KCNIP4: variants seen among roughly 807,000 people sequenced by gnomAD.
KCNIP4 encodes the protein Kv channel-interacting protein 4.
In KCNIP4, 12 loss-of-function variants were observed where a neutral mutation model predicts 34.0. The observed-to-expected ratio is 0.35, with a 90% confidence interval of 0.23 to 0.57. The LOEUF is 0.57. Ranked by LOEUF, KCNIP4 falls within the 20% of genes least tolerant of loss-of-function variation. The pLI is 0.83. For synonymous variants in KCNIP4, 124 were observed against 102.2 expected (o/e 1.21, Z -1.29); for missense variants, 238 against 311.7 (o/e 0.76, Z 1.78).
rs547254218 is a variant in KCNIP4, at chr4:21,830,517, C to T, written c.61+118054G>A. On this transcript the variant is annotated intron_variant, in intron 1 of 8. Transcript: ENST00000382152. ...ACAATGAAACCCCGTTTCTACTAAA[C>T]ACAATACAAAAATTCGCCGGGTGCC... 2.0e-5 allele frequency among the ~76,000 whole-genome samples: 3 copies of T among 151,814 alleles called. No homozygotes were observed. The South Asian group carries it at 6.2e-4, about 32-fold the overall frequency.
At chr4:21,688,138 A>G (rs530257189) in intron 1 of KCNIP4, among the ~76,000 whole-genome samples, 53 of 152,334 alleles carry the variant, frequency 3.5e-4, no homozygotes, top group Non-Finnish European at 5.3e-4. Flanking sequence ...TTTTAAAGCA[A>G]CTACTGTGCA....
At position 21,301,337 on chromosome 4, in the gene KCNIP4, T is replaced by C. The variant is rs7693066; in HGVS notation, c.62-418628A>G. On this transcript the variant is annotated intron_variant, in intron 1 of 8. Transcript: ENST00000382152. ...TTCAGAACAATATGCATATTTCAAATATAATAATACAAAAAAACTACATTG... is the reference window on the plus strand; with the variant it reads ...TTCAGAACAATATGCATATTTCAAACATAATAATACAAAAAAACTACATTG... 3.0e-3 allele frequency among the ~76,000 whole-genome samples: 456 copies of C among 152,262 alleles called. 2 individuals carry two copies. The highest frequency in any genetic ancestry group is 0.01 in the African/African-American group (426 of 41,572).
At chr4:21,917,934 C>T (rs1728731222) in intron 1 of KCNIP4, among the ~76,000 whole-genome samples, 2 of 152,140 alleles carry the variant, frequency 1.3e-5, no homozygotes, top group Non-Finnish European at 2.9e-5. Context: ...ACAGTAGACA[C>T]TCCACCTTGC....
chr4:20,864,165 T>C (rs539368305), intron 2 of KCNIP4, among the ~76,000 whole-genome samples: 7 of 71,746 alleles, frequency 9.8e-5, no homozygotes, highest in East Asian at 5.5e-4. Flanking sequence ...CATACACATG[T>C]ATGTATACAC....
intron 1 of KCNIP4, among the ~76,000 whole-genome samples, chr4:21,421,511 A>T (rs2109627687): frequency 6.6e-6 from 1 of 152,332 alleles, no homozygotes; most frequent in Non-Finnish European, 1.5e-5. Flanking sequence ...TAAGTGAATT[A>T]AGCCAAGCAC....
At chr4:21,242,163 C>CAAAAAAAAA (rs11436478) in intron 1 of KCNIP4, among the ~76,000 whole-genome samples, 26 of 55,724 alleles carry the variant, frequency 4.7e-4, no homozygotes, top group East Asian at 2.6e-3. Context: ...AATTCTGTCT[C>CAAAAAAAAA]AAAAAAAAAA....
intron 1 of KCNIP4, among the ~76,000 whole-genome samples, chr4:21,250,996 T>C (rs1577964603): frequency 6.6e-6 from 1 of 151,948 alleles, no homozygotes; most frequent in East Asian, 1.9e-4. Flanking sequence ...ATATGTCATT[T>C]ATCTTGACAT....
chr4:21,107,138 A>G (rs1214809844), intron 1 of KCNIP4, among the ~76,000 whole-genome samples: 4 of 147,004 alleles, frequency 2.7e-5, no homozygotes, highest in Non-Finnish European at 5.9e-5. Context: ...GCTGAGTTCA[A>G]TTCCTGGGTA....
Position 21,828,928 on chromosome 4 carries a change from T to C in KCNIP4, c.61+119643A>G, listed in dbSNP as rs538166315. Among the ~76,000 whole-genome samples, 78 of 152,024 alleles carry C rather than the reference T, an allele frequency of 5.1e-4. 2 individuals carry two copies. Among genetic ancestry groups the C allele is most frequent in the African/African-American group, 2.6e-4 (11 of 41,530 alleles). ...GCAGTAAGAAATGGTGATAAATACA[T>C]GGCTTAATATTTTGGTAACTCTGCA... On this transcript the variant is annotated intron_variant, in intron 1 of 8. Transcript: ENST00000382152.
chr4:20,917,301 T>G (rs555328237), intron 1 of KCNIP4, among the ~76,000 whole-genome samples: 1 of 151,960 alleles, frequency 6.6e-6, no homozygotes, highest in Non-Finnish European at 1.5e-5. Flanking sequence ...GTGCTGGGAT[T>G]ACAGGCATGA....
At chr4:21,318,318 A>G (rs1024017054) in intron 1 of KCNIP4, among the ~76,000 whole-genome samples, 1 of 152,164 alleles carries the variant, frequency 6.6e-6, no homozygotes, top group African/African-American at 2.4e-5. Context: ...ATTATGTACA[A>G]TCCTTGCTTA....
At chr4:21,326,242 C>A (rs777146720) in intron 1 of KCNIP4, among the ~76,000 whole-genome samples, 1 of 151,528 alleles carries the variant, frequency 6.6e-6, no homozygotes, top group African/African-American at 2.4e-5. Flanking sequence ...CATTTTAGCT[C>A]TAATAACAGT....
At chr4:21,627,820 G>A (rs923285798) in intron 1 of KCNIP4, among the ~76,000 whole-genome samples, 7 of 152,048 alleles carry the variant, frequency 4.6e-5, no homozygotes, top group African/African-American at 1.4e-4. Flanking sequence ...AATAAGTGTC[G>A]GTCATTAATA....
At chr4:20,874,727 G>A (rs888698253) in intron 2 of KCNIP4, among the ~76,000 whole-genome samples, 13 of 144,944 alleles carry the variant, frequency 9.0e-5, no homozygotes, top group African/African-American at 3.1e-4. Context: ...TATAACCCTT[G>A]TGATCTGCCA....
intron 1 of KCNIP4, among the ~76,000 whole-genome samples, chr4:21,048,011 T>C (rs1293745518): frequency 6.6e-6 from 1 of 152,216 alleles, no homozygotes; most frequent in Non-Finnish European, 1.5e-5. Context: ...TGAAAGTTTT[T>C]AGTACATTCT....
intron 1 of KCNIP4, among the ~76,000 whole-genome samples, chr4:21,832,594 TTA>T (rs2109307224): frequency 1.2e-5 from 1 of 83,400 alleles, no homozygotes; most frequent in South Asian, 5.3e-4. Context: ...ATTTTTTTTT[TTA>T]TTATTATCAT....
At position 20,853,643 on chromosome 4, in the gene KCNIP4, T is replaced by A. The variant is rs149848701; in HGVS notation, c.164-2976A>T. On this transcript the variant is annotated intron_variant, in intron 2 of 8. Coordinates refer to ENST00000382152, the MANE Select transcript of KCNIP4 (RefSeq NM_025221.6). ...CAAAAGCAATAAAAACAAAGATAAA[T>A]AGCTGGGACCTCATTAAACTAAAGA... Among the ~76,000 whole-genome samples the A allele has an allele frequency of 1.7e-3, 264 of 151,722 alleles. 1 individual carries two copies. Among genetic ancestry groups the A allele is most frequent in the African/African-American group, 5.7e-3 (238 of 41,406 alleles).
At chr4:21,756,351 A>AG (rs1717525872) in intron 1 of KCNIP4, among the ~76,000 whole-genome samples, 1 of 151,934 alleles carries the variant, frequency 6.6e-6, no homozygotes, top group Non-Finnish European at 1.5e-5. Context: ...GTCATGAGAC[A>AG]GAGTCCAGCC....
chr4:21,076,199 G>C (rs1408134907), intron 1 of KCNIP4, among the ~76,000 whole-genome samples: 1 of 152,030 alleles, frequency 6.6e-6, no homozygotes, highest in African/African-American at 2.4e-5. Context: ...TGCTAGGTTG[G>C]GGAAGTTCTC....
Sources: allele counts gnomAD v4.1 joint callset (sites outside exome capture counted in the v4.1 genomes callset), GRCh38; gene constraint gnomAD v4.1.1; transcripts MANE v1.5; gene names NCBI Gene and HGNC (gene_info 2026-07-23, HGNC 2026-07-21).